NMNAT2: variants seen among roughly 807,000 people sequenced by gnomAD.
The protein encoded by NMNAT2 is nicotinamide/nicotinic acid mononucleotide adenylyltransferase 2.
NMNAT2 carries 11 observed loss-of-function variants against 41.6 expected under a neutral mutation model. The observed-to-expected ratio is 0.26, with a 90% CI of 0.17 to 0.44. The LOEUF (loss-of-function observed/expected upper bound fraction) is 0.44, where lower values mean the gene tolerates loss of function less well. Ranked by LOEUF, NMNAT2 falls within the 20% of genes least tolerant of loss-of-function variation. The probability of loss-of-function intolerance (pLI) is 1.00; values close to 1 mark genes in which losing one functional copy is unlikely to be tolerated. For missense variants in NMNAT2, 288 were observed against 407.7 expected (o/e 0.71, Z 2.53); for synonymous variants, 148 against 151.2 (o/e 0.98, Z 0.16).
rs191736930 is a variant in NMNAT2 at position 183,359,246 on chromosome 1, A to G, written c.85+58937T>C. On this transcript the variant is annotated intron_variant, in intron 1 of 10. Transcript: ENST00000287713. ...TCCCTTCAAGCCTCCCCAGTGCCAC[A>G]ATTACCAACAGATTATGTTAGTAAA... is the stretch of plus-strand genomic sequence containing the variant. 3.8e-4 allele frequency among the ~76,000 whole-genome samples: 58 copies of G among 152,302 alleles called. 2 individuals carry two copies. In the East Asian group the frequency reaches 0.01, roughly 27 times the overall value.
At chr1:183,305,659 G>A (rs563096667) in intron 1 of NMNAT2, among the ~76,000 whole-genome samples, 2 of 151,514 alleles carry the variant, frequency 1.3e-5, no homozygotes, top group African/African-American at 4.8e-5. Flanking sequence ...TTTTTGAAAG[G>A]TCAGTAGTTG....
At chr1:183,357,158 A>T (rs1333274239) in intron 1 of NMNAT2, among the ~76,000 whole-genome samples, 2 of 151,340 alleles carry the variant, frequency 1.3e-5, no homozygotes, top group African/African-American at 2.4e-5. Context: ...AACAATACAC[A>T]GGAGAAGATG....
intron 1 of NMNAT2, among the ~76,000 whole-genome samples, chr1:183,335,393 T>G (rs516210): frequency 0.71 from 108,517 of 152,134 alleles, 38,853 homozygotes; most frequent in East Asian, 0.9. Flanking sequence ...AGCCCTTCAC[T>G]CATTAGTGTA....
chr1:183,259,527 A>C (rs1172992231), intron 10 of NMNAT2, among the ~76,000 whole-genome samples: 1 of 152,154 alleles, frequency 6.6e-6, no homozygotes, highest in Non-Finnish European at 1.5e-5. Flanking sequence ...TTTCTATTAA[A>C]TGCTAAAATG....
At chr1:183,377,727 AG>A (rs1198148865) in intron 1 of NMNAT2, among the ~76,000 whole-genome samples, 1 of 152,242 alleles carries the variant, frequency 6.6e-6, no homozygotes, top group Admixed American at 6.5e-5. Flanking sequence ...AAAAAGTACA[AG>A]GCAACAAAAA....
intron 8 of NMNAT2, among the ~76,000 whole-genome samples, chr1:183,271,130 T>C (rs140808596): frequency 7.4e-4 from 113 of 152,276 alleles, no homozygotes; most frequent in African/African-American, 2.7e-3. Context: ...GTGGCTGATG[T>C]TCCATCCCCA....
chr1:183,404,267 T>A (rs1648894610), intron 1 of NMNAT2, among the ~76,000 whole-genome samples: 1 of 152,116 alleles, frequency 6.6e-6, no homozygotes, highest in African/African-American at 2.4e-5. Context: ...ATTTTTGTAT[T>A]TTAGTAGAGA....
At chr1:183,349,654 G>T (rs188357731) in intron 1 of NMNAT2, among the ~76,000 whole-genome samples, 1 of 152,212 alleles carries the variant, frequency 6.6e-6, no homozygotes, top group Non-Finnish European at 1.5e-5. Context: ...AAATAATATG[G>T]CTAAAATCCA....
intron 7 of NMNAT2, 79 bp from the exon 8 acceptor site, chr1:183,278,708 G>T: frequency 1.0e-6 from 1 of 985,460 alleles, no homozygotes; most frequent in Non-Finnish European, 1.6e-6. Context: ...TCTTCCCCTG[G>T]TGAATACATA....
intron 1 of NMNAT2, among the ~76,000 whole-genome samples, chr1:183,361,900 C>T (rs1350084346): frequency 6.6e-6 from 1 of 152,132 alleles, no homozygotes; most frequent in Non-Finnish European, 1.5e-5. Flanking sequence ...CTTGCTAAAG[C>T]CAGCCCTCTG....
intron 1 of NMNAT2, among the ~76,000 whole-genome samples, chr1:183,393,678 C>A (rs891268453): frequency 5.9e-5 from 9 of 152,152 alleles, no homozygotes; most frequent in Admixed American, 2.0e-4. Context: ...GCCTCAGCCT[C>A]CCGAGTAGCT....
chr1:183,333,161 T>A (rs959620678), intron 1 of NMNAT2, among the ~76,000 whole-genome samples: 2 of 152,076 alleles, frequency 1.3e-5, no homozygotes, highest in Admixed American at 6.5e-5. Context: ...CAGAGAACTC[T>A]CCAGGGGATA....
chr1:183,370,679 A>C (rs536576682), intron 1 of NMNAT2, among the ~76,000 whole-genome samples: 18 of 152,350 alleles, frequency 1.2e-4, no homozygotes, highest in Non-Finnish European at 1.8e-4. Context: ...GTGGGGATCC[A>C]TTGATTCTGG....
chr1:183,386,079 T>C (rs946117754), intron 1 of NMNAT2, among the ~76,000 whole-genome samples: 2 of 152,194 alleles, frequency 1.3e-5, no homozygotes, highest in Admixed American at 1.3e-4. Context: ...GCTAGGGGAC[T>C]TAAAAATTTG....
intron 1 of NMNAT2, among the ~76,000 whole-genome samples, chr1:183,362,007 G>A (rs1486759593): frequency 6.6e-6 from 1 of 152,088 alleles, no homozygotes; most frequent in Admixed American, 6.6e-5. Flanking sequence ...GCGTGATCTC[G>A]GCTCCCTGCA....
intron 4 of NMNAT2, among the ~76,000 whole-genome samples, chr1:183,287,684 G>A (rs1020750675): frequency 6.6e-6 from 1 of 152,148 alleles, no homozygotes; most frequent in Non-Finnish European, 1.5e-5. Flanking sequence ...ATCTGTTTAG[G>A]TTCACAGGGG....
intron 8 of NMNAT2, among the ~76,000 whole-genome samples, chr1:183,271,493 A>T (rs890321750): frequency 1.3e-5 from 2 of 152,224 alleles, no homozygotes; most frequent in African/African-American, 4.8e-5. Flanking sequence ...TTGTTTTCTC[A>T]CATGGCTGGG....
intron 1 of NMNAT2, among the ~76,000 whole-genome samples, chr1:183,396,416 C>T (rs1348731392): frequency 6.6e-6 from 1 of 152,146 alleles, no homozygotes; most frequent in Admixed American, 6.5e-5. Flanking sequence ...TCAGCAGCTT[C>T]CCAATAAGAC....
intron 1 of NMNAT2, among the ~76,000 whole-genome samples, chr1:183,301,612 T>C (rs1319471324): frequency 2.6e-5 from 4 of 152,212 alleles, no homozygotes; most frequent in Admixed American, 2.6e-4. Flanking sequence ...CGTTGCCACA[T>C]CCTGTCCTCA....
Sources: gnomAD v4.1 joint callset for allele counts (sites outside exome capture counted in the v4.1 genomes callset) on GRCh38, gnomAD v4.1.1 for gene constraint, MANE v1.5 for transcripts, NCBI Gene and HGNC (gene_info 2026-07-23, HGNC 2026-07-21) for gene names.